The following AMDHD1 variants were observed in gnomAD, a reference collection of about 807,000 sequenced individuals.
AMDHD1 encodes the protein amidohydrolase domain containing 1.
Under a neutral mutation model 44.1 loss-of-function variants are expected in AMDHD1, and 45 were observed. The observed-to-expected ratio is 1.02, with a 90% confidence interval of 0.80 to 1.31. The LOEUF is 1.31. Ranked by LOEUF, AMDHD1 falls within the 50% of genes most tolerant of loss-of-function variation. The pLI is 0.00. For missense variants in AMDHD1, 586 were observed against 552.1 expected (o/e 1.06, Z -0.61); for synonymous variants, 206 against 205.0 (o/e 1.00, Z -0.04).
intron 1 of AMDHD1, among the ~76,000 whole-genome samples, chr12:95,945,421 T>G (rs892919434): frequency 7.2e-5 from 11 of 152,228 alleles, no homozygotes; most frequent in African/African-American, 2.4e-4. Context: ...TTATTTTCAC[T>G]TACTATCATC....
intron 4 of AMDHD1, among the ~76,000 whole-genome samples, chr12:95,959,558 G>A (rs2080569121): frequency 6.6e-6 from 1 of 151,966 alleles, no homozygotes; most frequent in African/African-American, 2.4e-5. Context: ...ATAGGCATGA[G>A]GTACCATGCC....
In AMDHD1 at chr12:95,960,565, A is replaced by T; in HGVS notation, c.755A>T (p.Asp252Val). Residue 252 changes from aspartate to valine, a missense_variant, in exon 5 of 9, where the codon GAT becomes GTT. Asp to Val is a radical substitution (Grantham distance 152). Coordinates refer to ENST00000266736, the MANE Select transcript of AMDHD1 (RefSeq NM_152435.3). ...AGAAGGATTCTTCAACGTGGAAAAG[A>T]TATAGGGTTACAGATTAACTTCCAT... is the stretch of plus-strand genomic sequence containing the variant. ...STRRILQRGKDIGLQINFHGD... is the reference protein window; with the variant it reads ...STRRILQRGKVIGLQINFHGD... 6.2e-7 allele frequency: 1 copy of T among 1,614,220 alleles called. No homozygotes were observed. Among genetic ancestry groups the T allele is most frequent in the South Asian group, 1.1e-5 (1 of 91,092 alleles).
Position 95,964,928 on chromosome 12 carries a change from C to CAAAAAAAAAAAAAAAAAAAAAAAAAAAAA in AMDHD1, c.939-735_939-734insAAAAAAAAAAAAAAAAAAAAAAAAAAAAA, listed in dbSNP as rs60076877. Among the ~76,000 whole-genome samples the CAAAAAAAAAAAAAAAAAAAAAAAAAAAAA allele has an allele frequency of 8.4e-5, 3 of 35,832 alleles. 1 individual carries two copies. Among genetic ancestry groups the CAAAAAAAAAAAAAAAAAAAAAAAAAAAAA allele is most frequent in the Non-Finnish European group, 1.4e-4 (3 of 21,978 alleles). 23.5% of individuals were successfully genotyped at this position (35,832 alleles called of 152,430 possible). On this transcript the variant is annotated intron_variant, in intron 6 of 8. Coordinates refer to ENST00000266736, the MANE Select transcript of AMDHD1 (RefSeq NM_152435.3). ...AAAGGACCTACAGAGATGTTTGAGGCAAAAAAAAAAAAAAAAAAAAAAAGA... is the reference window on the plus strand; with the variant it reads ...AAAGGACCTACAGAGATGTTTGAGGCAAAAAAAAAAAAAAAAAAAAAAAAAAAAAAAAAAAAAAAAAAAAAAAAAAAAGA...
At position 95,966,675 on chromosome 12, in the gene AMDHD1, C is replaced by G. The variant is rs188271815; in HGVS notation, c.1193+167C>G. On this transcript the variant is annotated intron_variant, in intron 8 of 8. Coordinates refer to ENST00000266736, the MANE Select transcript of AMDHD1 (RefSeq NM_152435.3). ...TCCAAAGAGCAAATCTACTGACAGA[C>G]CCTAAACAACAGGGTAGACCAAGTT... 8.1e-4 allele frequency among the ~76,000 whole-genome samples: 123 copies of G among 152,358 alleles called. 1 individual carries two copies. Among genetic ancestry groups the G allele is most frequent in the African/African-American group, 2.6e-3 (109 of 41,584 alleles).
intron 6 of AMDHD1, 78 bp downstream of exon 6, chr12:95,962,557 T>C: frequency 6.9e-7 from 1 of 1,444,860 alleles, no homozygotes; most frequent in Non-Finnish European, 9.2e-7. Context: ...TGCCCAGACA[T>C]TATTTCATTG....
rs777609579 is a variant in AMDHD1, at chr12:95,943,461, C to T, written c.63C>T (p.Arg21=). The stretch of plus-strand genomic sequence containing the variant: ...AGCAAGTGGTGCTGGTGTGCGCCCG[C>T]GGCGAGCGCTTCCTGGCGCGGGATG... ...NAQQVVLVCA[R]GERFLARDAL... The change falls in exon 1 of 9, where the codon CGC becomes CGT. Residue 21 remains arginine, a synonymous_variant. Coordinates refer to ENST00000266736, the MANE Select transcript of AMDHD1 (RefSeq NM_152435.3). 92 of 1,503,722 alleles carry T rather than the reference C, an allele frequency of 6.1e-5. No individual in the cohort carries two copies. Among genetic ancestry groups the T allele is most frequent in the Non-Finnish European group, 7.6e-5 (86 of 1,131,180 alleles). 93.1% of individuals were successfully genotyped at this position (1,503,722 alleles called of 1,614,324 possible). A position where few individuals can be genotyped will look rare whatever the true frequency, so the allele number is the denominator to read the frequency against.
intron 1 of AMDHD1, among the ~76,000 whole-genome samples, chr12:95,944,173 A>T (rs1010098252): frequency 1.3e-5 from 2 of 152,134 alleles, no homozygotes; most frequent in African/African-American, 4.8e-5. Context: ...GACCTGGGGT[A>T]GCAAGGGAAG....
chr12:95,964,032 T>TAAAAAAAAAAAAAA (rs35799594), intron 6 of AMDHD1, among the ~76,000 whole-genome samples: 1 of 119,384 alleles, frequency 8.4e-6, no homozygotes, highest in African/African-American at 3.3e-5. Context: ...GATTCCATCT[T>TAAAAAAAAAAAAAA]AAAAAAAAAA....
intron 1 of AMDHD1, among the ~76,000 whole-genome samples, chr12:95,946,110 G>A (rs541868842): frequency 5.1e-4 from 76 of 149,706 alleles, no homozygotes; most frequent in Non-Finnish European, 1.0e-3. Context: ...AGTTAATCTT[G>A]AAGAGGCTCC....
At chr12:95,959,627 A>G (rs12582719) in intron 4 of AMDHD1, among the ~76,000 whole-genome samples, 6,913 of 150,988 alleles carry the variant, frequency 0.046, 585 homozygotes, top group East Asian at 0.39. Context: ...CCTCCCCCAT[A>G]CCCCCAGATA....
intron 5 of AMDHD1, 118 bp downstream of exon 5, chr12:95,960,741 T>C (rs1245923366): frequency 1.8e-5 from 19 of 1,070,514 alleles, no homozygotes; most frequent in East Asian, 2.5e-5. Flanking sequence ...GGAAATTTGT[T>C]TGAACAATGT....
At chr12:95,945,797 C>T (rs555065088) in intron 1 of AMDHD1, among the ~76,000 whole-genome samples, 29 of 150,286 alleles carry the variant, frequency 1.9e-4, no homozygotes, top group African/African-American at 7.1e-4. Context: ...TTTTTTTTCC[C>T]AACAAGTATA....
Position 95,952,810 on chromosome 12 carries a change from A to G in AMDHD1, c.231A>G (p.Lys77=). ...TFEEIIDCSG[K]CILPGLVDAH... The stretch of plus-strand genomic sequence containing the variant: ...AAGAAATAATTGACTGCTCTGGGAA[A>G]TGTATTCTACCAGGTATTTACCTCT... Residue 77 remains lysine (K), a synonymous_variant, in exon 2 of 9, where the codon AAA becomes AAG. Transcript: ENST00000266736. 1 of 1,604,982 alleles carries G rather than the reference A, an allele frequency of 6.2e-7. No individual in the cohort carries two copies. Among genetic ancestry groups the G allele is most frequent in the Non-Finnish European group, 8.5e-7 (1 of 1,172,016 alleles).
At chr12:95,951,783 G>T (rs1047268018) in intron 1 of AMDHD1, among the ~76,000 whole-genome samples, 2 of 152,014 alleles carry the variant, frequency 1.3e-5, no homozygotes. Context: ...TTTTAACTGG[G>T]GTAAGATGAT....
At chr12:95,964,406 T>G (rs1413675339) in intron 6 of AMDHD1, among the ~76,000 whole-genome samples, 1 of 152,228 alleles carries the variant, frequency 6.6e-6, no homozygotes, top group Non-Finnish European at 1.5e-5. Context: ...TTATGTAAAT[T>G]TGCATGTAAT....
chr12:95,957,959 ACGAGAATCGCTTAAGCC>A (rs2080560948), intron 4 of AMDHD1, among the ~76,000 whole-genome samples: 1 of 152,202 alleles, frequency 6.6e-6, no homozygotes, highest in Non-Finnish European at 1.5e-5. Flanking sequence ...AGGCTGAGGC[ACGAGAATCGCTTAAGCC>A]CGGGAGGCGG....
At position 95,943,388 on chromosome 12, in the gene AMDHD1, C is replaced by G. The variant is rs1023682827; in HGVS notation, c.-11C>G. On this transcript the variant is annotated 5_prime_UTR_variant, in exon 1 of 9. Transcript: ENST00000266736. ...CCGGTGGCCTCCCGGCGACCCTCGG[C>G]GCGAGGCGACATGGCAAGCGGCCAC... is the stretch of plus-strand genomic sequence containing the variant. 3 of 1,490,990 alleles carry G rather than the reference C, an allele frequency of 2.0e-6. No homozygotes were observed. Among genetic ancestry groups the G allele is most frequent in the Non-Finnish European group, 8.9e-7 (1 of 1,127,300 alleles). The allele number at this position is 1,490,990 out of a possible 1,614,324, so 92.4% of individuals were successfully genotyped here. A position where few individuals can be genotyped will look rare whatever the true frequency, so the allele number is the denominator to read the frequency against.
intron 2 of AMDHD1, among the ~76,000 whole-genome samples, chr12:95,954,308 G>A (rs1416956692): frequency 1.3e-5 from 2 of 152,070 alleles, no homozygotes; most frequent in Non-Finnish European, 2.9e-5. Context: ...AGTGGCTGAT[G>A]CTTGTAATCC....
At chr12:95,944,214 A>C (rs75578374) in intron 1 of AMDHD1, among the ~76,000 whole-genome samples, 36 of 152,154 alleles carry the variant, frequency 2.4e-4, no homozygotes, top group Non-Finnish European at 4.4e-4. Context: ...AAAGCGTGCC[A>C]TGGGACCACA....
Sources: gnomAD v4.1 joint callset for allele counts (sites outside exome capture counted in the v4.1 genomes callset) on GRCh38, gnomAD v4.1.1 for gene constraint, MANE v1.5 for transcripts, NCBI Gene and HGNC (gene_info 2026-07-23, HGNC 2026-07-21) for gene names.